Variants in HYCC2 observed in about 807,000 individuals in gnomAD.
HYCC2 encodes the protein hyccin 2.
the HYCC2 span, chr2:201,064,174 C>T: frequency 7.8e-6 from 6 of 771,890 alleles, no homozygotes; most frequent in African/African-American, 1.0e-4. Flanking sequence ...ACAAAGAAGA[C>T]ATGTTTTAGA....
chr2:201,001,668 A>T, the HYCC2 span, among the ~76,000 whole-genome samples: 1 of 151,870 alleles, frequency 6.6e-6, no homozygotes, highest in Non-Finnish European at 1.5e-5. Context: ...GGTAAATTTT[A>T]TTTCTATTTT....
the HYCC2 span, among the ~76,000 whole-genome samples, chr2:201,003,027 AT>A: frequency 6.6e-6 from 1 of 152,218 alleles, no homozygotes; most frequent in Non-Finnish European, 1.5e-5. Context: ...ATAACTCATC[AT>A]TAAAAAGAAT....
the HYCC2 span, among the ~76,000 whole-genome samples, chr2:201,042,658 T>C: frequency 6.8e-6 from 1 of 148,084 alleles, no homozygotes; most frequent in African/African-American, 2.5e-5. Flanking sequence ...ATCCGGGAAG[T>C]GAGGAGCGTC....
the HYCC2 span, among the ~76,000 whole-genome samples, chr2:201,003,669 A>T: frequency 6.6e-6 from 1 of 150,806 alleles, no homozygotes; most frequent in African/African-American, 2.4e-5. Context: ...AGATCGCGCC[A>T]CTGCACTCCA....
chr2:201,017,220 CTG>C, the HYCC2 span: 1 of 1,425,876 alleles, frequency 7.0e-7, no homozygotes. Flanking sequence ...TTGGTTGTAA[CTG>C]TTGTTTTTTT....
chr2:201,006,518 A>G, the HYCC2 span, among the ~76,000 whole-genome samples: 1 of 151,974 alleles, frequency 6.6e-6, no homozygotes, highest in Non-Finnish European at 1.5e-5. Context: ...GCAAGAGATG[A>G]TACTATTAGC....
chr2:201,053,965 A>G, the HYCC2 span, among the ~76,000 whole-genome samples: 8 of 152,198 alleles, frequency 5.3e-5, no homozygotes, highest in Admixed American at 2.0e-4. Context: ...CTCCATCTCA[A>G]AAACAAACAA....
chr2:201,064,151 G>C, the HYCC2 span: 34 of 887,946 alleles, frequency 3.8e-5, no homozygotes, highest in Non-Finnish European at 5.8e-5. Flanking sequence ...AGTGGTGGCA[G>C]GGCCTAGCTG....
At chr2:200,978,341 A>G in the HYCC2 span, 2 of 152,186 alleles carry the variant, frequency 1.3e-5, no homozygotes, top group Admixed American at 1.3e-4. Flanking sequence ...CACTGAGGTC[A>G]ATTCACATCA....
chr2:201,060,239 A>G, the HYCC2 span, among the ~76,000 whole-genome samples: 2 of 152,178 alleles, frequency 1.3e-5, no homozygotes. Context: ...ATAGAAGATA[A>G]GGAGCAAGTA....
the HYCC2 span, among the ~76,000 whole-genome samples, chr2:201,010,103 CAA>C: frequency 2.4e-4 from 17 of 70,684 alleles, no homozygotes; most frequent in Admixed American, 4.9e-4. Flanking sequence ...GACTCTGTCT[CAA>C]AAAAAAAAAA....
the HYCC2 span, chr2:200,979,035 A>C: frequency 2.7e-5 from 4 of 149,632 alleles, no homozygotes; most frequent in Admixed American, 6.6e-5. Context: ...TTTCTTTTTT[A>C]TTTTTTATTT....
At chr2:201,034,490 C>T in the HYCC2 span, among the ~76,000 whole-genome samples, 3 of 152,042 alleles carry the variant, frequency 2.0e-5, no homozygotes, top group Non-Finnish European at 2.9e-5. Flanking sequence ...TATTTTGAGC[C>T]TATGTGTGTC....
the HYCC2 span, among the ~76,000 whole-genome samples, chr2:201,037,002 G>A: frequency 8.3e-3 from 1,268 of 152,176 alleles, 16 homozygotes; most frequent in Middle Eastern, 0.01. Flanking sequence ...AAACCCCATC[G>A]TCTCTGCCCA....
the HYCC2 span, among the ~76,000 whole-genome samples, chr2:201,056,568 G>A: frequency 2.0e-5 from 3 of 151,956 alleles, no homozygotes; most frequent in East Asian, 1.9e-4. Flanking sequence ...CAGCTACTCC[G>A]GAGGCTGAGG....
chr2:201,016,670 G>A, the HYCC2 span, among the ~76,000 whole-genome samples: 1 of 151,636 alleles, frequency 6.6e-6, no homozygotes, highest in African/African-American at 2.4e-5. Context: ...TACAATCTTG[G>A]CTCACTGCAA....
the HYCC2 span, chr2:201,021,753 A>C: frequency 2.7e-3 from 646 of 239,300 alleles, no homozygotes; most frequent in Non-Finnish European, 4.5e-3. Flanking sequence ...GACAGAGCAA[A>C]ACAAGGGGTA....
chr2:201,052,967 G>A, the HYCC2 span, among the ~76,000 whole-genome samples: 2 of 152,138 alleles, frequency 1.3e-5, no homozygotes, highest in Non-Finnish European at 1.5e-5. Context: ...AAGATTAGAG[G>A]TAGCAGTGTC....
the HYCC2 span, chr2:200,981,670 C>T: frequency 1.9e-6 from 3 of 1,614,178 alleles, no homozygotes; most frequent in Admixed American, 1.7e-5. This position sits in a 1 kb window ranked among gnomAD's most constrained non-coding sequence, Gnocchi z 4.5. Context: ...ATCTCGAGGG[C>T]TCTCACTGGA....
Sources: allele counts gnomAD v4.1 joint callset (sites outside exome capture counted in the v4.1 genomes callset), GRCh38; gene constraint gnomAD v4.1.1; non-coding constraint Gnocchi (gnomAD v3.1); transcripts MANE v1.5; gene names NCBI Gene and HGNC (gene_info 2026-07-23, HGNC 2026-07-21).